Variants in USP8 observed in about 807,000 individuals in gnomAD.
USP8 encodes the protein ubiquitin specific peptidase 8.
A neutral mutation model predicts 130.0 loss-of-function variants in USP8; 27 were observed. That is an observed-to-expected ratio of 0.21 (90% CI 0.15 to 0.29). The LOEUF (loss-of-function observed/expected upper bound fraction) is 0.29. USP8 is among the 10% of genes least tolerant of loss of function. The pLI is 1.00. For synonymous variants in USP8, 392 were observed against 444.1 expected, an observed-to-expected ratio of 0.88 and a Z score of 1.48; for missense variants, 1,029 against 1,312.2, an observed-to-expected ratio of 0.78 and a Z score of 3.33.
chr15:50,499,225 A>G lies in USP8; in HGVS notation c.*137A>G, dbSNP rs1228970338. 2.7e-6 allele frequency: 2 copies of G among 748,180 alleles called. No individual in the cohort carries two copies. The highest frequency in any genetic ancestry group is 4.0e-6 in the Non-Finnish European group (2 of 503,144). 46.3% of individuals were successfully genotyped at this position (748,180 alleles called of 1,614,324 possible). On this transcript the variant is annotated 3_prime_UTR_variant, in exon 20 of 20. Transcript: ENST00000307179. ...CAGTGGGAGCTGTGTTACTAGCACT[A>G]TATAATTCCGGTCAGTGCTGACAAA...
chr15:50,466,076 G>T (rs1217400254), intron 7 of USP8, among the ~76,000 whole-genome samples: 1 of 152,114 alleles, frequency 6.6e-6, no homozygotes, highest in Non-Finnish European at 1.5e-5. Flanking sequence ...TGGGTATATT[G>T]TATATTGGAA....
chr15:50,473,321 G>T (rs759675198), intron 8 of USP8, among the ~76,000 whole-genome samples: 2 of 152,068 alleles, frequency 1.3e-5, no homozygotes, highest in African/African-American at 2.4e-5. Flanking sequence ...ATTCTCTCAT[G>T]TAATTTAAAT....
In USP8 at chr15:50,497,072, T is replaced by C; in HGVS notation, c.2896-17T>C. 1 of 1,587,356 alleles carries C rather than the reference T, an allele frequency of 6.3e-7. No individual in the cohort carries two copies. ...AATCGAATTAACGAGTATCTGCTAC[T>C]TGTTTTTTTCTGCCAGGATTGCCTT... On this transcript the variant is annotated splice_polypyrimidine_tract_variant and intron_variant, in intron 17 of 19. Transcript: ENST00000307179.
At position 50,490,516 on chromosome 15, in the gene USP8, G is replaced by C. The variant is rs760375643; in HGVS notation, c.2225G>C (p.Arg742Pro). The C allele has an allele frequency of 2.2e-5, 35 of 1,613,012 alleles. No individual in the cohort carries two copies. The highest frequency in any genetic ancestry group is 1.3e-4 in the Admixed American group (8 of 59,798). Residue 742 changes from arginine (R) to proline (P), a missense_variant, in exon 14 of 20, where the codon CGG becomes CCG. Physicochemically the swap from Arg to Pro is moderately radical, Grantham distance 103 (BLOSUM62 -2). Coordinates refer to ENST00000307179, the MANE Select transcript of USP8 (RefSeq NM_005154.5). ...CCAACAGTAACTCCAACAGTTAATC[G>C]GGAAAACAAGTATGTTTATCTTAAC... ...RKPTVTPTVNRENKPTCYPKA... is the reference protein window; with the variant it reads ...RKPTVTPTVNPENKPTCYPKA...
chr15:50,449,060 A>G (rs2050528696), intron 3 of USP8, among the ~76,000 whole-genome samples: 1 of 152,222 alleles, frequency 6.6e-6, no homozygotes, highest in Non-Finnish European at 1.5e-5. Context: ...AACTAGGTAC[A>G]TATTTTTAAT....
rs1290817221 is a variant in USP8 at position 50,503,469 on chromosome 15, G to GC, written c.*4387dup. ...AAGGACACTCGAGGTAAAGTCTTAG[G>GC]CCCCCCTACAAGGTGAGAAGTTGGA... On this transcript the variant is annotated 3_prime_UTR_variant, in exon 20 of 20. Coordinates refer to ENST00000307179, the MANE Select transcript of USP8 (RefSeq NM_005154.5). 3.3e-5 allele frequency: 5 copies of GC among 152,198 alleles called. No individual in the cohort carries two copies. Among genetic ancestry groups the GC allele is most frequent in the African/African-American group, 1.2e-4 (5 of 41,438 alleles). 9.4% of individuals were successfully genotyped at this position (152,198 alleles called of 1,614,324 possible).
chr15:50,443,797 A>C (rs2050334797), intron 3 of USP8, among the ~76,000 whole-genome samples: 1 of 151,954 alleles, frequency 6.6e-6, no homozygotes, highest in African/African-American at 2.4e-5. Flanking sequence ...CTAGGTTTTA[A>C]ATCTGTCTTT....
At position 50,499,372 on chromosome 15, in the gene USP8, T is replaced by TA. The variant is rs1349358678; in HGVS notation, c.*289dup. ...GCTAAGCATTATTATTCGACTGGTC[T>TA]AAAAACTATTGTTATCTTTTTTTTT... On this transcript the variant is annotated 3_prime_UTR_variant, in exon 20 of 20. Transcript: ENST00000307179. The TA allele has an allele frequency of 3.3e-5, 8 of 243,328 alleles. No individual in the cohort carries two copies. The highest frequency in any genetic ancestry group is 6.1e-5 in the Non-Finnish European group (8 of 131,524). 15.1% of individuals were successfully genotyped at this position (243,328 alleles called of 1,614,324 possible). A position where few individuals can be genotyped will look rare whatever the true frequency, so the allele number is the denominator to read the frequency against.
chr15:50,484,524 A>G (rs972451211), intron 12 of USP8, among the ~76,000 whole-genome samples, 163 bp downstream of exon 12: 6 of 152,188 alleles, frequency 3.9e-5, no homozygotes, highest in South Asian at 2.1e-4. Context: ...TGCATGATCA[A>G]TCCATTTATA....
chr15:50,441,921 A>G (rs1229210619), intron 3 of USP8, among the ~76,000 whole-genome samples: 1 of 149,486 alleles, frequency 6.7e-6, no homozygotes, highest in South Asian at 2.1e-4. Context: ...CATTGTACCC[A>G]TATTACAAAT....
chr15:50,488,596 G>T (rs28633827), intron 12 of USP8, among the ~76,000 whole-genome samples: 1 of 119,580 alleles, frequency 8.4e-6, no homozygotes, highest in Admixed American at 1.2e-4. Flanking sequence ...ATGGAGTCTC[G>T]CTCTGCCACC....
chr15:50,451,334 C>G (rs2141268652), intron 4 of USP8, among the ~76,000 whole-genome samples: 1 of 152,244 alleles, frequency 6.6e-6, no homozygotes, highest in Non-Finnish European at 1.5e-5. Context: ...TCGCTTCAGC[C>G]TGGGAGGCAG....
chr15:50,513,752 A>G lies in USP8; in HGVS notation c.*14664A>G, dbSNP rs570442594. On this transcript the variant is annotated 3_prime_UTR_variant, in exon 20 of 20. Transcript: ENST00000307179. ...GGGCAACCAGAAGGGCCAAAACAAA[A>G]CGAACAAAAGACTACCAAGTGTTAA... is the stretch of plus-strand genomic sequence containing the variant. 6 of 152,326 alleles carry G rather than the reference A, an allele frequency of 3.9e-5. No homozygotes were observed. Among genetic ancestry groups the G allele is most frequent in the African/African-American group, 1.4e-4 (6 of 41,570 alleles). The allele number at this position is 152,326 out of a possible 1,614,324, so 9.4% of individuals were successfully genotyped here.
chr15:50,425,887 C>T (rs1025955282), intron 1 of USP8, among the ~76,000 whole-genome samples: 20 of 152,006 alleles, frequency 1.3e-4, no homozygotes, highest in Middle Eastern at 3.2e-3. Flanking sequence ...CTTTGGGAGG[C>T]GGAGGTGGGC....
chr15:50,497,466 ATAAT>A (rs796327036), intron 18 of USP8: 5 of 356,796 alleles, frequency 1.4e-5, no homozygotes, highest in African/African-American at 8.4e-5. Context: ...ATAATTTTAA[ATAAT>A]TACAAAGCAT....
In USP8 at chr15:50,455,468, T is replaced by G. The variant is rs1012662889; in HGVS notation, c.336-3532T>G. Among the ~76,000 whole-genome samples, 957 of 146,016 alleles carry G rather than the reference T, an allele frequency of 6.6e-3. 10 individuals carry two copies. Among genetic ancestry groups the G allele is most frequent in the East Asian group, 0.023 (104 of 4,548 alleles). ...TTTGTTCATTTATTACAAGCACATT[T>G]TCATTTACGCCCTTGAGCATAGTTA... On this transcript the variant is annotated intron_variant, in intron 4 of 19. Coordinates refer to ENST00000307179, the MANE Select transcript of USP8 (RefSeq NM_005154.5).
In USP8 at chr15:50,509,131, A is replaced by G. The variant is rs12595682; in HGVS notation, c.*10043A>G. 9.9e-6 allele frequency: 1 copy of G among 100,518 alleles called. No homozygotes were observed. Among genetic ancestry groups the G allele is most frequent in the Non-Finnish European group, 2.1e-5 (1 of 48,390 alleles). The allele number at this position is 100,518 out of a possible 1,614,324, so 6.2% of individuals were successfully genotyped here. On this transcript the variant is annotated 3_prime_UTR_variant, in exon 20 of 20. Coordinates refer to ENST00000307179, the MANE Select transcript of USP8 (RefSeq NM_005154.5). ...CTGGGCGACAGAGCGAGACTCCGTC[A>G]CAAAAAAAAAAAAAAAAAAAAAAAA...
At chr15:50,455,365 A>ACACCT (rs2050758120) in intron 4 of USP8, among the ~76,000 whole-genome samples, 2 of 146,906 alleles carry the variant, frequency 1.4e-5, no homozygotes, top group East Asian at 2.2e-4. Flanking sequence ...GGCATGAGCC[A>ACACCT]CTGCGCCCAG....
rs749631353 is a variant in USP8, at chr15:50,497,211, G to T, written c.3018G>T (p.Val1006=). 6.2e-7 allele frequency: 1 copy of T among 1,607,756 alleles called. No homozygotes were observed. Among genetic ancestry groups the T allele is most frequent in the African/African-American group, 1.3e-5 (1 of 74,418 alleles). Residue 1006 remains valine, a synonymous_variant, in exon 18 of 20, where the codon GTG becomes GTT. Transcript: ENST00000307179. ...KKIEIWKLPP[V]LLVHLKRFSY... Reference sequence around the variant, plus strand: ...TAGAAATCTGGAAGTTACCACCTGTGCTTTTAGTGCATCTGAAACGGTAAA... The same window carrying T: ...TAGAAATCTGGAAGTTACCACCTGTTCTTTTAGTGCATCTGAAACGGTAAA...
Sources: gnomAD v4.1 joint callset for allele counts (sites outside exome capture counted in the v4.1 genomes callset) on GRCh38, gnomAD v4.1.1 for gene constraint, MANE v1.5 for transcripts, NCBI Gene and HGNC (gene_info 2026-07-23, HGNC 2026-07-21) for gene names.